EXT1: variants seen among roughly 807,000 people sequenced by gnomAD.
EXT1 encodes the protein exostosin glycosyltransferase 1, also known as exostosin-1.
Under a neutral mutation model 82.5 loss-of-function variants are expected in EXT1, and 20 were observed. The ratio of observed to expected loss-of-function variants is 0.24; its 90% confidence interval spans 0.17 to 0.35. The LOEUF (loss-of-function observed/expected upper bound fraction) is 0.35. EXT1 is among the 10% of genes least tolerant of loss of function. EXT1 has a pLI of 1.00. For missense variants in EXT1, 757 were observed against 936.5 expected (o/e 0.81, Z 2.50); for synonymous variants, 348 against 350.8 (o/e 0.99, Z 0.09).
In EXT1 at chr8:117,968,574, T is replaced by A. The variant is rs9802083; in HGVS notation, c.963-131373A>T. Among the ~76,000 whole-genome samples, 4 of 12,926 alleles carry A rather than the reference T, an allele frequency of 3.1e-4. 1 individual carries two copies. Among genetic ancestry groups the A allele is most frequent in the Non-Finnish European group, 4.9e-4 (4 of 8,240 alleles). 8.5% of individuals were successfully genotyped at this position (12,926 alleles called of 152,430 possible). On this transcript the variant is annotated intron_variant, in intron 1 of 10. Transcript: ENST00000378204. ...ATTTATTTTTTTTTTTTTTTTTTTT[T>A]TTTTTTTTTTTTTGAGACGGAGTCT... is the stretch of plus-strand genomic sequence containing the variant.
intron 1 of EXT1, among the ~76,000 whole-genome samples, chr8:117,974,453 C>T (rs886152982): frequency 6.6e-5 from 10 of 152,228 alleles, no homozygotes; most frequent in African/African-American, 2.2e-4. Context: ...GCTGACACCA[C>T]AGATTCTCAC....
intron 1 of EXT1, among the ~76,000 whole-genome samples, chr8:117,900,479 A>AAT (rs1813421385): frequency 3.9e-5 from 6 of 152,250 alleles, no homozygotes; most frequent in Non-Finnish European, 8.8e-5. Context: ...GATACAGCAC[A>AAT]GAGCCTTAGG....
In EXT1 at chr8:118,110,677, C is replaced by T. The variant is rs767986411; in HGVS notation, c.370G>A (p.Gly124Arg). The change falls in exon 1 of 11, where the codon GGG becomes AGG. Residue 124 changes from glycine (G) to arginine (R), a missense_variant. Around this residue, in one of 4 missense-constraint regions of EXT1, gnomAD observed 175 missense variants for 159.0 expected, o/e 1.10. Transcript: ENST00000378204. ...FKVYVYPQQK[G>R]EKIAESYQNI... ...TGGTAACTTTCGGCGATTTTCTCCC[C>T]TTTTTGCTGTGGGTATACGTAGACT... The T allele has an allele frequency of 6.2e-7, 1 of 1,614,160 alleles. No individual in the cohort carries two copies. The highest frequency in any genetic ancestry group is 8.5e-7 in the Non-Finnish European group (1 of 1,180,040).
intron 1 of EXT1, among the ~76,000 whole-genome samples, chr8:117,989,236 TCCTCCCCCCACCCCCATCCCACTG>T (rs1445309979): frequency 2.6e-4 from 40 of 150,990 alleles, no homozygotes; most frequent in Non-Finnish European, 1.5e-5. Flanking sequence ...CAAAAGGAAT[TCCTCCCCCCACCCCCATCCCACTG>T]CCTCACCTGG....
At chr8:117,978,744 C>T (rs972338529) in intron 1 of EXT1, among the ~76,000 whole-genome samples, 3 of 152,158 alleles carry the variant, frequency 2.0e-5, no homozygotes, top group Non-Finnish European at 2.9e-5. Context: ...ACATAGACTC[C>T]ACAAAGGCTA....
chr8:118,111,352 C>CGGAGGAAAAGAAAGAGAGAGG lies in EXT1; in HGVS notation c.-327_-307dup. 3.5e-6 allele frequency: 2 copies of CGGAGGAAAAGAAAGAGAGAGG among 571,062 alleles called. No individual in the cohort carries two copies. Among genetic ancestry groups the CGGAGGAAAAGAAAGAGAGAGG allele is most frequent in the African/African-American group, 1.9e-5 (1 of 53,328 alleles). The allele number at this position is 571,062 out of a possible 1,614,324, so 35.4% of individuals were successfully genotyped here. A position where few individuals can be genotyped will look rare whatever the true frequency, so the allele number is the denominator to read the frequency against. ...TGTAATTTTCTTGCATGCAACAAGA[C>CGGAGGAAAAGAAAGAGAGAGG]GGAGGAAAAGAAAGAGAGAGGGGAG... is the stretch of plus-strand genomic sequence containing the variant. On this transcript the variant is annotated 5_prime_UTR_variant, in exon 1 of 11. Coordinates refer to ENST00000378204, the MANE Select transcript of EXT1 (RefSeq NM_000127.3).
At chr8:118,000,014 C>A (rs1815628315) in intron 1 of EXT1, among the ~76,000 whole-genome samples, 1 of 151,720 alleles carries the variant, frequency 6.6e-6, no homozygotes, top group Non-Finnish European at 1.5e-5. Context: ...TACACACATA[C>A]ACACACACAT....
At chr8:117,847,322 A>G (rs1363506877) in intron 1 of EXT1, among the ~76,000 whole-genome samples, 1 of 152,144 alleles carries the variant, frequency 6.6e-6, no homozygotes, top group East Asian at 1.9e-4. Context: ...ACCAAGCCCA[A>G]TTTACTTGGG....
intron 1 of EXT1, among the ~76,000 whole-genome samples, chr8:118,069,244 A>G (rs1226453264): frequency 6.6e-6 from 1 of 152,198 alleles, no homozygotes; most frequent in Non-Finnish European, 1.5e-5. Context: ...CCCATGTGTA[A>G]TACTTTACAT....
chr8:117,948,956 A>T (rs17453344), intron 1 of EXT1, among the ~76,000 whole-genome samples: 13,120 of 152,286 alleles, frequency 0.086, 1,462 homozygotes, highest in African/African-American at 0.26. Context: ...ACACCCATGC[A>T]CATTTGTTCT....
intron 8 of EXT1, among the ~76,000 whole-genome samples, chr8:117,808,333 C>T (rs1440904853): frequency 1.3e-5 from 2 of 152,154 alleles, no homozygotes; most frequent in Non-Finnish European, 2.9e-5. Context: ...TCATTCCATC[C>T]TCACAATACC....
chr8:117,910,119 TA>T (rs1168522974), intron 1 of EXT1, among the ~76,000 whole-genome samples: 1 of 152,182 alleles, frequency 6.6e-6, no homozygotes, highest in South Asian at 2.1e-4. Context: ...ATCCCCATGA[TA>T]AGCATAACTT....
chr8:117,998,015 C>CT (rs11324491), intron 1 of EXT1, among the ~76,000 whole-genome samples: 5,910 of 125,580 alleles, frequency 0.047, 461 homozygotes, highest in African/African-American at 0.16. Context: ...TTTTATTTTA[C>CT]TTTTTTTTTT....
intron 6 of EXT1, 150 bp downstream of exon 6, chr8:117,819,526 G>T (rs1436778550): frequency 3.9e-6 from 3 of 762,168 alleles, no homozygotes; most frequent in Non-Finnish European, 7.2e-6. Context: ...AGGGTGTAAC[G>T]AGGCAGGATG....
At chr8:117,928,747 T>C (rs1204949439) in intron 1 of EXT1, among the ~76,000 whole-genome samples, 1 of 151,954 alleles carries the variant, frequency 6.6e-6, no homozygotes, top group African/African-American at 2.4e-5. Context: ...GTGGGTTCTC[T>C]TGACATGTCA....
At chr8:117,905,838 G>A (rs2129977658) in intron 1 of EXT1, among the ~76,000 whole-genome samples, 1 of 152,170 alleles carries the variant, frequency 6.6e-6, no homozygotes, top group South Asian at 2.1e-4. Flanking sequence ...AACACTTTGT[G>A]GAATGAAAGA....
chr8:117,953,212 T>TTAGA (rs1213351190), intron 1 of EXT1, among the ~76,000 whole-genome samples: 2 of 151,282 alleles, frequency 1.3e-5, no homozygotes, highest in African/African-American at 2.5e-5. Flanking sequence ...AGATATATAG[T>TTAGA]TAGATAGATA....
chr8:117,950,472 C>T (rs574744198), intron 1 of EXT1, among the ~76,000 whole-genome samples: 103 of 152,110 alleles, frequency 6.8e-4, no homozygotes, highest in Non-Finnish European at 1.3e-3. Context: ...TCCCATTTTT[C>T]CTAGAAATGG....
At chr8:117,989,357 CT>C (rs1038491611) in intron 1 of EXT1, among the ~76,000 whole-genome samples, 2 of 152,058 alleles carry the variant, frequency 1.3e-5, no homozygotes, top group Non-Finnish European at 2.9e-5. Context: ...TCCACTGCCC[CT>C]GCCCCCCACT....
Sources: gnomAD v4.1 joint callset for allele counts (sites outside exome capture counted in the v4.1 genomes callset) on GRCh38, gnomAD v4.1.1 for gene constraint, gnomAD v4.1.1 regional missense constraint, MANE v1.5 for transcripts, NCBI Gene and HGNC (gene_info 2026-07-23, HGNC 2026-07-21) for gene names.